The following MPP7 variants were observed in gnomAD, a reference collection of about 807,000 sequenced individuals.
MPP7 encodes the protein MAGUK p55 subfamily member 7.
Under a neutral mutation model 76.5 loss-of-function variants are expected in MPP7, and 60 were observed. The observed-to-expected ratio is 0.78, with a 90% confidence interval of 0.64 to 0.97. The LOEUF (loss-of-function observed/expected upper bound fraction) is 0.97, where lower values mean the gene tolerates loss of function less well. Ranked by LOEUF, MPP7 falls within the 50% of genes least tolerant of loss-of-function variation. The pLI, the probability that MPP7 is intolerant of heterozygous loss-of-function variation, is 0.00. For synonymous variants in MPP7, 237 were observed against 244.5 expected, an observed-to-expected ratio of 0.97 and a Z score of 0.29; for missense variants, 641 against 694.0, an observed-to-expected ratio of 0.92 and a Z score of 0.86.
At chr10:28,117,931 CAGAG>C (rs1247323391) in intron 11 of MPP7, among the ~76,000 whole-genome samples, 2 of 150,802 alleles carry the variant, frequency 1.3e-5, no homozygotes, top group South Asian at 2.1e-4. Context: ...ATAAGAGAGA[CAGAG>C]AGAGAGGAGA....
At chr10:28,120,754 A>T in intron 8 of MPP7, 86 bp from the exon 9 acceptor site, 1 of 1,021,598 alleles carries the variant, frequency 9.8e-7, no homozygotes, top group South Asian at 1.4e-5. Context: ...AATGCATCTG[A>T]AAATTTACAA....
intron 1 of MPP7, among the ~76,000 whole-genome samples, chr10:28,293,767 C>G (rs1358024525): frequency 3.9e-5 from 6 of 152,134 alleles, no homozygotes; most frequent in African/African-American, 1.4e-4. Flanking sequence ...TCCTAGCGAC[C>G]GAGTAGCAAA....
chr10:28,295,268 T>G (rs1841011857), intron 1 of MPP7, among the ~76,000 whole-genome samples: 1 of 152,166 alleles, frequency 6.6e-6, no homozygotes, highest in Non-Finnish European at 1.5e-5. Flanking sequence ...ACGAAAACAG[T>G]GTTAGTTCAT....
intron 1 of MPP7, among the ~76,000 whole-genome samples, chr10:28,241,842 T>C (rs1018445823): frequency 3.3e-5 from 5 of 152,178 alleles, no homozygotes; most frequent in African/African-American, 1.2e-4. Context: ...CAGTTGTACC[T>C]TGCTTCTATA....
At chr10:28,061,179 C>CA (rs919449171) in intron 13 of MPP7, among the ~76,000 whole-genome samples, 213 of 150,240 alleles carry the variant, frequency 1.4e-3, no homozygotes, top group African/African-American at 4.9e-3. Flanking sequence ...CAAAACAAAA[C>CA]AAAAAAAACA....
At chr10:28,257,094 G>C (rs1238075980) in intron 1 of MPP7, among the ~76,000 whole-genome samples, 1 of 152,138 alleles carries the variant, frequency 6.6e-6, no homozygotes, top group Non-Finnish European at 1.5e-5. Flanking sequence ...CACAATCCCT[G>C]AGAAGGTTCT....
chr10:28,151,551 A>G (rs959326032), intron 3 of MPP7, among the ~76,000 whole-genome samples: 2 of 152,222 alleles, frequency 1.3e-5, no homozygotes, highest in African/African-American at 4.8e-5. Flanking sequence ...CTTCCCTGCT[A>G]TAATAAACAT....
intron 1 of MPP7, among the ~76,000 whole-genome samples, chr10:28,286,372 A>T (rs1303019720): frequency 6.6e-6 from 1 of 152,082 alleles, no homozygotes; most frequent in African/African-American, 2.4e-5. Flanking sequence ...AAAAAATAAA[A>T]AAATAAAAAT....
intron 1 of MPP7, among the ~76,000 whole-genome samples, chr10:28,302,376 G>A (rs1254897699): frequency 6.7e-6 from 1 of 149,652 alleles, no homozygotes; most frequent in African/African-American, 2.5e-5. Flanking sequence ...TAGATTACAC[G>A]GCCAAACGCC....
rs755031826 is a variant in MPP7 at position 28,089,782 on chromosome 10, A to T, written c.1012T>A (p.Tyr338Asn). ...RKDKKTNKSM[Y>N]ECKKSDQYDT... ...TACTGATCACTCTTCTTGCATTCATACATGGATTTATTTGTTTTCTTATCT... is the reference window on the plus strand; with the variant it reads ...TACTGATCACTCTTCTTGCATTCATTCATGGATTTATTTGTTTTCTTATCT... Residue 338 changes from tyrosine (Y) to asparagine (N), a missense_variant, in exon 12 of 17, where the codon TAT becomes AAT. Physicochemically the swap from Tyr to Asn is moderately radical, Grantham distance 143. Transcript: ENST00000683449. 2 of 1,603,346 alleles carry T rather than the reference A, an allele frequency of 1.2e-6. No individual in the cohort carries two copies. The highest frequency in any genetic ancestry group is 1.7e-6 in the Non-Finnish European group (2 of 1,170,908).
chr10:28,300,747 T>C (rs1841134787), intron 1 of MPP7, among the ~76,000 whole-genome samples: 1 of 150,908 alleles, frequency 6.6e-6, no homozygotes, highest in Non-Finnish European at 1.5e-5. Flanking sequence ...AGGTCAGGAG[T>C]TCGAGACCAG....
chr10:28,258,689 C>A (rs2085470), intron 1 of MPP7, among the ~76,000 whole-genome samples: 1 of 151,806 alleles, frequency 6.6e-6, no homozygotes, highest in Admixed American at 6.6e-5. Flanking sequence ...CTTGAGCCAC[C>A]GCGCCTGGCC....
chr10:28,062,599 A>T (rs2887213), intron 13 of MPP7, among the ~76,000 whole-genome samples: 1 of 150,114 alleles, frequency 6.7e-6, no homozygotes, highest in African/African-American at 2.4e-5. Context: ...TGGCTTTAAT[A>T]TTAGAAAAGC....
intron 5 of MPP7, among the ~76,000 whole-genome samples, chr10:28,133,576 T>C (rs1835261515): frequency 6.6e-6 from 1 of 152,216 alleles, no homozygotes; most frequent in South Asian, 2.1e-4. Flanking sequence ...AAATGGCAAA[T>C]AGTGTCTGTT....
At chr10:28,290,697 G>A (rs1207077508) in intron 1 of MPP7, among the ~76,000 whole-genome samples, 2 of 151,890 alleles carry the variant, frequency 1.3e-5, no homozygotes, top group African/African-American at 2.4e-5. Flanking sequence ...GGTCTCGAAC[G>A]CCTGACCTCA....
chr10:28,210,222 G>C (rs1052342752), intron 2 of MPP7, among the ~76,000 whole-genome samples: 3 of 152,170 alleles, frequency 2.0e-5, no homozygotes, highest in Non-Finnish European at 4.4e-5. Flanking sequence ...AATCACGTGA[G>C]TGAATTCCCA....
chr10:28,119,570 G>A, intron 11 of MPP7, 81 bp downstream of exon 11: 1 of 1,136,998 alleles, frequency 8.8e-7, no homozygotes, highest in South Asian at 1.3e-5. Flanking sequence ...AGGACCCTTT[G>A]TTCTGCCATG....
At chr10:28,219,770 C>G (rs957239087) in intron 2 of MPP7, among the ~76,000 whole-genome samples, 2 of 151,966 alleles carry the variant, frequency 1.3e-5, no homozygotes, top group African/African-American at 4.8e-5. Flanking sequence ...CATATATCGA[C>G]GCCCAGAACA....
At chr10:28,296,247 T>C (rs1841033240) in intron 1 of MPP7, among the ~76,000 whole-genome samples, 1 of 152,156 alleles carries the variant, frequency 6.6e-6, no homozygotes, top group South Asian at 2.1e-4. Context: ...TCCTAAGGGC[T>C]GAAGGCACTG....
Sources: gnomAD v4.1 joint callset for allele counts (sites outside exome capture counted in the v4.1 genomes callset) on GRCh38, gnomAD v4.1.1 for gene constraint, MANE v1.5 for transcripts, NCBI Gene and HGNC (gene_info 2026-07-23, HGNC 2026-07-21) for gene names.